Variants in AGBL1 observed in about 807,000 individuals in gnomAD.
AGBL1 encodes the protein AGBL carboxypeptidase 1, also known as cytosolic carboxypeptidase 4.
In AGBL1, 130 loss-of-function variants were observed where a neutral mutation model predicts 118.9. The ratio of observed to expected loss-of-function variants is 1.09; its 90% CI spans 0.95 to 1.26. The LOEUF (loss-of-function observed/expected upper bound fraction) is 1.26, where lower values mean the gene tolerates loss of function less well. Ranked by LOEUF, AGBL1 falls within the 50% of genes most tolerant of loss-of-function variation. AGBL1 has a pLI of 0.00. For missense variants in AGBL1, 1,584 were observed against 1,298.1 expected, an observed-to-expected ratio of 1.22 and a Z score of -3.38; for synonymous variants, 555 against 478.9, an observed-to-expected ratio of 1.16 and a Z score of -2.08.
chr15:86,359,635 A>G (rs907018148), intron 17 of AGBL1, among the ~76,000 whole-genome samples: 27 of 151,748 alleles, frequency 1.8e-4, no homozygotes, highest in African/African-American at 5.3e-4. Context: ...CTGGGATAGT[A>G]TGAACATTTT....
intron 22 of AGBL1, among the ~76,000 whole-genome samples, chr15:86,888,344 C>T (rs1459111496): frequency 6.7e-6 from 1 of 149,064 alleles, no homozygotes; most frequent in African/African-American, 2.5e-5. Context: ...ATTCAGAAGA[C>T]TGGAGCTCTC....
chr15:86,564,441 G>T (rs1567060293), intron 21 of AGBL1, among the ~76,000 whole-genome samples: 1 of 152,168 alleles, frequency 6.6e-6, no homozygotes, highest in Non-Finnish European at 1.5e-5. Flanking sequence ...TTTTCTTTAA[G>T]AATGTTGAAT....
chr15:86,861,978 T>C (rs2079564877), intron 22 of AGBL1, among the ~76,000 whole-genome samples: 2 of 152,222 alleles, frequency 1.3e-5, no homozygotes, highest in African/African-American at 4.8e-5. Flanking sequence ...ATTAAGAGTC[T>C]ACATGGAACT....
chr15:86,952,759 A>G (rs933284893), intron 23 of AGBL1, among the ~76,000 whole-genome samples: 1 of 152,176 alleles, frequency 6.6e-6, no homozygotes. Context: ...CTTTGCCAAG[A>G]CCCATGTTAA....
At chr15:86,134,631 T>A (rs1287084583) in intron 1 of AGBL1, among the ~76,000 whole-genome samples, 3 of 105,442 alleles carry the variant, frequency 2.8e-5, no homozygotes, top group Non-Finnish European at 5.5e-5. Flanking sequence ...TTTTTTTTTT[T>A]GAGATGGCAT....
chr15:86,385,690 A>G (rs574047303), intron 17 of AGBL1, among the ~76,000 whole-genome samples: 1 of 152,288 alleles, frequency 6.6e-6, no homozygotes, highest in Non-Finnish European at 1.5e-5. Flanking sequence ...TAAATGTTGA[A>G]TACATGAATG....
At chr15:86,324,208 TACAA>T in intron 17 of AGBL1, among the ~76,000 whole-genome samples, 1 of 152,310 alleles carries the variant, frequency 6.6e-6, no homozygotes, top group East Asian at 1.9e-4. Flanking sequence ...GGAGGAAATA[TACAA>T]ACAAATAGAA....
At chr15:86,940,304 G>A (rs2080734497) in intron 23 of AGBL1, among the ~76,000 whole-genome samples, 1 of 151,926 alleles carries the variant, frequency 6.6e-6, no homozygotes, top group Non-Finnish European at 1.5e-5. Flanking sequence ...TCTGTAAAAT[G>A]GAGATAATAA....
chr15:86,164,638 T>G (rs1013502704), intron 5 of AGBL1, among the ~76,000 whole-genome samples: 3 of 152,184 alleles, frequency 2.0e-5, no homozygotes, highest in African/African-American at 7.2e-5. Flanking sequence ...CAGTGTAATA[T>G]TGAACCCAAC....
chr15:87,020,968 C>T (rs1301520984), intron 24 of AGBL1, among the ~76,000 whole-genome samples: 1 of 152,010 alleles, frequency 6.6e-6, no homozygotes, highest in Admixed American at 6.6e-5. Context: ...CTACCATTGA[C>T]ATTCTTTACA....
At chr15:86,352,487 T>C (rs1055652931) in intron 17 of AGBL1, among the ~76,000 whole-genome samples, 3 of 152,066 alleles carry the variant, frequency 2.0e-5, no homozygotes, top group African/African-American at 7.2e-5. Context: ...TTTACTTTTT[T>C]TTTTTTTGGA....
rs538672306 is a variant in AGBL1, at chr15:86,869,940, T to C, written c.3159-37147T>C. 2.5e-3 allele frequency among the ~76,000 whole-genome samples: 383 copies of C among 152,310 alleles called. 1 individual carries two copies. The highest frequency in any genetic ancestry group is 8.7e-3 in the African/African-American group (363 of 41,570). ...GTACCTGGTTGCTTACCTGGACTTA[T>C]GTCCAGCAGAGCTGCAAAATAGGCT... On this transcript the variant is annotated intron_variant, in intron 22 of 22. Coordinates refer to ENST00000614907, the MANE Select transcript of AGBL1 (RefSeq NM_001386094.1).
In AGBL1 at chr15:86,264,643, T is replaced by G; in HGVS notation, c.1472T>G (p.Val491Gly). 6.2e-7 allele frequency: 1 copy of G among 1,613,882 alleles called. No individual in the cohort carries two copies. Among genetic ancestry groups the G allele is most frequent in the Non-Finnish European group, 8.5e-7 (1 of 1,179,856 alleles). Residue 491 changes from valine to glycine, a missense_variant, in exon 11 of 23, where the codon GTT becomes GGT. By Grantham distance (109) the Val-to-Gly change is moderately radical. Coordinates refer to ENST00000614907, the MANE Select transcript of AGBL1 (RefSeq NM_001386094.1). ...TCTAATTCCACTAGGACTAGAGAAGTTGTCAAAGTAATAGATAAGCTTCTG... is the reference window on the plus strand; with the variant it reads ...TCTAATTCCACTAGGACTAGAGAAGGTGTCAAAGTAATAGATAAGCTTCTG... The part of the protein sequence containing the change: ...SFSNSTRTRE[V>G]VKVIDKLLQT...
At position 86,266,356 on chromosome 15, in the gene AGBL1, T is replaced by C. The variant is rs74539722; in HGVS notation, c.1668-18T>C. The C allele has an allele frequency of 0.019, 29,691 of 1,554,486 alleles. 392 individuals are homozygous for C. The highest frequency in any genetic ancestry group is 0.053 in the East Asian group (2,243 of 42,430). On this transcript the variant is annotated intron_variant, in intron 11 of 22. Transcript: ENST00000614907. ...AGAGAAGGCCGACCCTTAAAATGTTTTCAATTTTCTTTTTCAGGATCAGGA... is the reference window on the plus strand; with the variant it reads ...AGAGAAGGCCGACCCTTAAAATGTTCTCAATTTTCTTTTTCAGGATCAGGA...
At chr15:86,477,315 C>T (rs1388561041) in intron 18 of AGBL1, among the ~76,000 whole-genome samples, 2 of 151,952 alleles carry the variant, frequency 1.3e-5, no homozygotes, top group African/African-American at 4.8e-5. Context: ...GAAAGATCAA[C>T]AAAATTGATA....
At chr15:86,728,571 C>G (rs2086853430) in intron 22 of AGBL1, among the ~76,000 whole-genome samples, 1 of 151,884 alleles carries the variant, frequency 6.6e-6, no homozygotes, top group East Asian at 1.9e-4. Context: ...AAGCCTGGGG[C>G]TAAATAAAAA....
intron 22 of AGBL1, among the ~76,000 whole-genome samples, chr15:86,811,403 G>A (rs571516373): frequency 6.6e-6 from 1 of 152,322 alleles, no homozygotes; most frequent in South Asian, 2.1e-4. Context: ...GTCTATGGAT[G>A]TGACCGTGGT....
chr15:87,029,057 TC>T (rs566587101), downstream of AGBL1: 79 of 512,354 alleles, frequency 1.5e-4, no homozygotes, highest in South Asian at 2.4e-3. Flanking sequence ...CCTATTTGGT[TC>T]ATAGTTCTCT....
chr15:86,385,484 C>T (rs1278707752), intron 17 of AGBL1, among the ~76,000 whole-genome samples: 1 of 152,188 alleles, frequency 6.6e-6, no homozygotes, highest in Non-Finnish European at 1.5e-5. Context: ...AGGATTCACA[C>T]ACACTTTGAA....
Sources: gnomAD v4.1 joint callset for allele counts (sites outside exome capture counted in the v4.1 genomes callset) on GRCh38, gnomAD v4.1.1 for gene constraint, MANE v1.5 for transcripts, NCBI Gene and HGNC (gene_info 2026-07-23, HGNC 2026-07-21) for gene names.